Variants in CUEDC1 observed in about 807,000 individuals in gnomAD.
The protein encoded by CUEDC1 is CUE domain containing 1.
A neutral mutation model predicts 43.7 loss-of-function variants in CUEDC1; 30 were observed. That is an observed-to-expected ratio of 0.69 (90% CI 0.51 to 0.93). The LOEUF (loss-of-function observed/expected upper bound fraction) is 0.93. Among genes scored for constraint, CUEDC1 ranks in the 40% least tolerant of loss-of-function variants. The pLI is 0.00. For synonymous variants in CUEDC1, 223 were observed against 223.6 expected, an observed-to-expected ratio of 1.00 and a Z score of 0.02; for missense variants, 486 against 549.0, an observed-to-expected ratio of 0.89 and a Z score of 1.15.
intron 1 of CUEDC1, chr17:57,914,977 C>A (rs913445819): frequency 6.6e-6 from 1 of 152,190 alleles, no homozygotes; most frequent in African/African-American, 2.4e-5. Context: ...TCACACCAAC[C>A]CAATGAGGCA....
intron 10 of CUEDC1, among the ~76,000 whole-genome samples, chr17:57,864,188 G>C (rs2073923159): frequency 6.6e-6 from 1 of 152,022 alleles, no homozygotes; most frequent in Non-Finnish European, 1.5e-5. Flanking sequence ...GAATAGAAAA[G>C]AGAATGAAAG....
intron 2 of CUEDC1, among the ~76,000 whole-genome samples, chr17:57,881,947 C>G (rs1304778677): frequency 6.6e-6 from 1 of 152,200 alleles, no homozygotes; most frequent in African/African-American, 2.4e-5. Context: ...CCCAGCAGCA[C>G]TGCTGGCCTC....
intron 1 of CUEDC1, among the ~76,000 whole-genome samples, chr17:57,892,128 G>T (rs1167036812): frequency 6.6e-6 from 1 of 152,118 alleles, no homozygotes; most frequent in South Asian, 2.1e-4. Flanking sequence ...ATGGGAGGGG[G>T]CCTTTTCAGT....
intron 1 of CUEDC1, among the ~76,000 whole-genome samples, chr17:57,897,830 T>C (rs1489984174): frequency 6.6e-6 from 1 of 151,248 alleles, no homozygotes; most frequent in East Asian, 2.0e-4. Context: ...CTGGCCAACA[T>C]GGTGAAACCC....
At chr17:57,882,648 C>G (rs2074227785) in intron 2 of CUEDC1, among the ~76,000 whole-genome samples, 1 of 152,156 alleles carries the variant, frequency 6.6e-6, no homozygotes, top group African/African-American at 2.4e-5. Context: ...TCCACCACCC[C>G]TGAGACAGCA....
intron 5 of CUEDC1, 78 bp downstream of exon 5, chr17:57,872,585 T>C (rs940383567): frequency 2.0e-6 from 3 of 1,526,418 alleles, no homozygotes; most frequent in Admixed American, 1.9e-5. Flanking sequence ...CAGCTCAGTG[T>C]TTTCCTGAGC....
chr17:57,893,401 T>C (rs1021774740), intron 1 of CUEDC1, among the ~76,000 whole-genome samples: 24 of 141,404 alleles, frequency 1.7e-4, no homozygotes, highest in Non-Finnish European at 3.6e-4. Context: ...AGAGACGCCT[T>C]GTCCTCCTGC....
At chr17:57,901,648 C>G (rs2074473250) in intron 1 of CUEDC1, among the ~76,000 whole-genome samples, 1 of 152,226 alleles carries the variant, frequency 6.6e-6, no homozygotes, top group Non-Finnish European at 1.5e-5. Flanking sequence ...AAGCAGCCAC[C>G]TGGGAGGTGT....
At position 57,919,726 on chromosome 17, in the gene CUEDC1, T is replaced by C. The variant is rs372737907; in HGVS notation, c.-315-33847A>G. Among the ~76,000 whole-genome samples the C allele has an allele frequency of 7.2e-5, 11 of 152,342 alleles. No individual in the cohort carries two copies. The East Asian group carries it at 1.3e-3, about 19-fold the overall frequency. ...TTATTTCTGCTACTTCTTAGCTGTGTGGCTCAGAAGGTTAAGCCACCCAGC... is the reference window on the plus strand; with the variant it reads ...TTATTTCTGCTACTTCTTAGCTGTGCGGCTCAGAAGGTTAAGCCACCCAGC... On this transcript the variant is annotated intron_variant, in intron 1 of 10. Coordinates refer to ENST00000577830, the MANE Select transcript of CUEDC1 (RefSeq NM_001271875.2).
chr17:57,931,368 G>A (rs181715990), intron 1 of CUEDC1, among the ~76,000 whole-genome samples: 306 of 152,258 alleles, frequency 2.0e-3, no homozygotes, highest in Non-Finnish European at 3.1e-3. Flanking sequence ...CATTCATTCC[G>A]GGCAGTCGCT....
At chr17:57,908,203 C>T (rs1290901515) in intron 1 of CUEDC1, among the ~76,000 whole-genome samples, 1 of 152,144 alleles carries the variant, frequency 6.6e-6, no homozygotes, top group African/African-American at 2.4e-5. Context: ...ACTACAGGTG[C>T]TCGCCACCAC....
In CUEDC1 at chr17:57,873,726, T is replaced by C. The variant is rs770037425; in HGVS notation, c.465-9A>G. ...AGCCCAGCGCGTCGATACTAGGGGA[T>C]GGCAGGTGACAGGGAAGAGGAAGTC... On this transcript the variant is annotated splice_polypyrimidine_tract_variant and intron_variant, in intron 3 of 10. Coordinates refer to ENST00000577830, the MANE Select transcript of CUEDC1 (RefSeq NM_001271875.2). The C allele has an allele frequency of 1.3e-6, 2 of 1,561,868 alleles. No homozygotes were observed. Among genetic ancestry groups the C allele is most frequent in the East Asian group, 2.4e-5 (1 of 42,190 alleles).
chr17:57,902,319 C>A (rs1019765512), intron 1 of CUEDC1, among the ~76,000 whole-genome samples: 1 of 152,124 alleles, frequency 6.6e-6, no homozygotes, highest in Non-Finnish European at 1.5e-5. Flanking sequence ...CAGAGCGAGA[C>A]CTCCATCTCA....
chr17:57,897,601 C>T (rs1028422056), intron 1 of CUEDC1, among the ~76,000 whole-genome samples: 1 of 145,572 alleles, frequency 6.9e-6, no homozygotes, highest in Non-Finnish European at 1.5e-5. Flanking sequence ...ACCCAGGAGG[C>T]GGAGCTTGCA....
In CUEDC1 at chr17:57,874,899, G is replaced by T. The variant is rs1478791980; in HGVS notation, c.465-1182C>A. On this transcript the variant is annotated intron_variant, in intron 3 of 10. Coordinates refer to ENST00000577830, the MANE Select transcript of CUEDC1 (RefSeq NM_001271875.2). Reference sequence around the variant, plus strand: ...GAAGGGGCGGGGGCGGCAGCAGAAGGGATAACCAGCTGCTAAGTGCCTGGT... The same window carrying T: ...GAAGGGGCGGGGGCGGCAGCAGAAGTGATAACCAGCTGCTAAGTGCCTGGT... Among the ~76,000 whole-genome samples the T allele has an allele frequency of 2.6e-5, 4 of 152,154 alleles. No individual in the cohort carries two copies. The East Asian group carries it at 7.7e-4, about 29-fold the overall frequency.
intron 1 of CUEDC1, 59 bp from the exon 2 acceptor site, chr17:57,885,938 C>T: frequency 5.7e-6 from 1 of 175,006 alleles, no homozygotes; most frequent in Non-Finnish European, 1.2e-5. Context: ...CTCAGGGTGG[C>T]GGCCAAGGGC....
chr17:57,917,775 G>A (rs1012133116), intron 1 of CUEDC1, among the ~76,000 whole-genome samples: 49 of 152,254 alleles, frequency 3.2e-4, no homozygotes, highest in African/African-American at 1.1e-3. Flanking sequence ...TCATTTAACA[G>A]GCAGAGACAC....
At chr17:57,883,019 A>G (rs534543009) in intron 2 of CUEDC1, among the ~76,000 whole-genome samples, 13 of 152,298 alleles carry the variant, frequency 8.5e-5, no homozygotes, top group African/African-American at 3.1e-4. Context: ...TCAATGGTCA[A>G]CTGTATCTGC....
chr17:57,918,468 G>C (rs1288116347), intron 1 of CUEDC1, among the ~76,000 whole-genome samples: 1 of 152,222 alleles, frequency 6.6e-6, no homozygotes, highest in East Asian at 1.9e-4. Flanking sequence ...AGCCCTCATG[G>C]GAGGAGTTCC....
Sources: allele counts gnomAD v4.1 joint callset (sites outside exome capture counted in the v4.1 genomes callset), GRCh38; gene constraint gnomAD v4.1.1; transcripts MANE v1.5; gene names NCBI Gene and HGNC (gene_info 2026-07-23, HGNC 2026-07-21).